NIPBL: variants seen among roughly 807,000 people sequenced by gnomAD.
The protein encoded by NIPBL is nipped-B-like protein.
In NIPBL, 19 loss-of-function variants were observed where a neutral mutation model predicts 321.8. That is an observed-to-expected ratio of 0.06 (90% CI 0.04 to 0.09). The LOEUF (loss-of-function observed/expected upper bound fraction) is 0.09, where lower values mean the gene tolerates loss of function less well. NIPBL is among the 10% of genes least tolerant of loss of function. The pLI is 1.00. For synonymous variants in NIPBL, 1,106 were observed against 1,114.1 expected, an observed-to-expected ratio of 0.99 and a Z score of 0.14; for missense variants, 2,210 against 3,327.0, an observed-to-expected ratio of 0.66 and a Z score of 8.26.
chr5:36,897,612 G>A (rs1008896801), intron 1 of NIPBL, among the ~76,000 whole-genome samples: 1 of 152,054 alleles, frequency 6.6e-6, no homozygotes, highest in South Asian at 2.1e-4. Context: ...GAAGAAAAAC[G>A]ATATCCACTA....
At chr5:37,027,144 TTAAAC>T (rs1209259802) in intron 31 of NIPBL, among the ~76,000 whole-genome samples, 1 of 152,202 alleles carries the variant, frequency 6.6e-6, no homozygotes, top group African/African-American at 2.4e-5. Context: ...CCTCAATACA[TTAAAC>T]TAATTTCTTC....
chr5:36,905,909 A>AT (rs918231568), intron 1 of NIPBL, among the ~76,000 whole-genome samples: 4 of 151,438 alleles, frequency 2.6e-5, no homozygotes, highest in African/African-American at 7.3e-5. Context: ...CACCCAGCTA[A>AT]TTTTTTTTGT....
At chr5:36,964,082 A>G (rs1411898850) in intron 6 of NIPBL, among the ~76,000 whole-genome samples, 1 of 152,148 alleles carries the variant, frequency 6.6e-6, no homozygotes, top group Non-Finnish European at 1.5e-5. Context: ...GTATTGTGTC[A>G]TTTCTTAGAA....
chr5:37,044,196 C>A, intron 34 of NIPBL, 151 bp from the exon 35 acceptor site: 1 of 654,890 alleles, frequency 1.5e-6, no homozygotes, highest in Non-Finnish European at 2.6e-6. Context: ...CTTCTCCTTC[C>A]ATACCTTGAA....
chr5:36,985,723 C>T lies in NIPBL; in HGVS notation c.2543C>T (p.Ser848Phe), dbSNP rs1744705446. The T allele has an allele frequency of 6.2e-7, 1 of 1,613,720 alleles. No homozygotes were observed. Among genetic ancestry groups the T allele is most frequent in the Non-Finnish European group, 8.5e-7 (1 of 1,179,898 alleles). The change falls in exon 10 of 47, where the codon TCC (serine) becomes TTC (phenylalanine). Residue 848 changes from serine (S) to phenylalanine (F), a missense_variant. This residue lies in a region of NIPBL where 588 missense variants were observed against 564.1 expected (regional missense o/e 1.04). Coordinates refer to ENST00000282516, the MANE Select transcript of NIPBL (RefSeq NM_133433.4). ...SRVRRPETLR[S>F]SSRNEHGIKS... ...GTTCGAAGACCAGAAACATTGAGATCCTCTAGTAGAAATGAACATGGCATT... is the reference window on the plus strand; with the variant it reads ...GTTCGAAGACCAGAAACATTGAGATTCTCTAGTAGAAATGAACATGGCATT...
At chr5:36,921,747 T>C (rs1239836480) in intron 1 of NIPBL, among the ~76,000 whole-genome samples, 4 of 152,164 alleles carry the variant, frequency 2.6e-5, no homozygotes, top group Non-Finnish European at 5.9e-5. Context: ...AAACACAGAA[T>C]TGATTGTTGC....
Position 37,060,896 on chromosome 5 carries a change from A to G in NIPBL, c.7738A>G (p.Ile2580Val), listed in dbSNP as rs191164620. The change falls in exon 45 of 47, where the codon ATA becomes GTA. Residue 2580 changes from isoleucine (I) to valine (V), a missense_variant. Transcript: ENST00000282516. ...SESAKVYDKA[I>V]NRKTGVHFHP... ...ATCTGCAAAAGTATATGATAAAGCGATAAACCGAAAAACAGGAGTTCATTT... is the reference window on the plus strand; with the variant it reads ...ATCTGCAAAAGTATATGATAAAGCGGTAAACCGAAAAACAGGAGTTCATTT... The G allele has an allele frequency of 1.7e-5, 28 of 1,614,152 alleles. No individual in the cohort carries two copies. Among genetic ancestry groups the G allele is most frequent in the Non-Finnish European group, 2.4e-5 (28 of 1,180,002 alleles).
At position 37,010,124 on chromosome 5, in the gene NIPBL, A is replaced by G; in HGVS notation, c.4459A>G (p.Ile1487Val). 3 of 1,612,764 alleles carry G rather than the reference A, an allele frequency of 1.9e-6. No individual in the cohort carries two copies. The highest frequency in any genetic ancestry group is 2.5e-6 in the Non-Finnish European group (3 of 1,178,894). Reference sequence around the variant, plus strand: ...TGATATGGATGGAGAACCTATGTATATTCAGATGGTTACAGCACTGGTTTT... The same window carrying G: ...TGATATGGATGGAGAACCTATGTATGTTCAGATGGTTACAGCACTGGTTTT... ...SSDMDGEPMY[I>V]QMVTALVLQL... The change falls in exon 21 of 47, where the codon ATT (isoleucine) becomes GTT (valine). Residue 1487 changes from isoleucine to valine, a missense_variant. By Grantham distance (29) the Ile-to-Val change is conservative. Around this residue, in one of 14 missense-constraint regions of NIPBL, gnomAD observed 381 missense variants for 642.3 expected, o/e 0.59. Transcript: ENST00000282516.
Position 36,984,856 on chromosome 5 carries a change from A to G in NIPBL, c.1676A>G (p.Gln559Arg). 6 of 1,613,902 alleles carry G rather than the reference A, an allele frequency of 3.7e-6. No homozygotes were observed. Among genetic ancestry groups the G allele is most frequent in the South Asian group, 1.1e-5 (1 of 91,076 alleles). ...GTGGACTCTCAGGCTTCTATAACTC[A>G]GGATTCAGACTCCATAAAAAAGCCT... ...GRVDSQASIT[Q>R]DSDSIKKPEE... The change falls in exon 10 of 47, where the codon CAG becomes CGG. Residue 559 changes from glutamine (Q) to arginine (R), a missense_variant. Physicochemically the swap from Gln to Arg is conservative, Grantham distance 43 (BLOSUM62 1). Transcript: ENST00000282516.
At chr5:37,048,746 A>C (rs1753220541) in intron 39 of NIPBL, 71 bp downstream of exon 39, 1 of 1,225,260 alleles carries the variant, frequency 8.2e-7, no homozygotes, top group African/African-American at 1.5e-5. Context: ...CTTTAATCTA[A>C]ATATCTAAAT....
intron 1 of NIPBL, among the ~76,000 whole-genome samples, chr5:36,904,142 T>C (rs189137127): frequency 6.6e-6 from 1 of 152,278 alleles, no homozygotes; most frequent in East Asian, 1.9e-4. Flanking sequence ...TTATTAAATA[T>C]TTAGTGTACT....
intron 1 of NIPBL, among the ~76,000 whole-genome samples, chr5:36,944,685 A>T (rs1487798438): frequency 2.0e-5 from 3 of 152,062 alleles, no homozygotes; most frequent in Non-Finnish European, 4.4e-5. Flanking sequence ...TTTGCTTTCT[A>T]ATATTGTTGA....
At chr5:37,010,486 A>C (rs1222387944) in intron 21 of NIPBL, among the ~76,000 whole-genome samples, 1 of 151,674 alleles carries the variant, frequency 6.6e-6, no homozygotes, top group African/African-American at 2.4e-5. Flanking sequence ...CGGCTAATTT[A>C]TGTATTTTTA....
chr5:36,985,454 A>G lies in NIPBL; in HGVS notation c.2274A>G (p.Pro758=). Residue 758 remains proline (P), a synonymous_variant, in exon 10 of 47, where the codon CCA becomes CCG. Coordinates refer to ENST00000282516, the MANE Select transcript of NIPBL (RefSeq NM_133433.4). ...KQKNEGRPET[P]KHRHDNRRDS... is the part of the protein sequence containing the mutation. ...AAAATGAAGGGCGACCTGAAACACC[A>G]AAACACAGGCATGACAATAGGAGGG... The G allele has an allele frequency of 6.2e-7, 1 of 1,613,794 alleles. No individual in the cohort carries two copies. Among genetic ancestry groups the G allele is most frequent in the African/African-American group, 1.3e-5 (1 of 75,020 alleles).
At chr5:37,016,950 A>G in intron 23 of NIPBL, 69 bp from the exon 24 acceptor site, 1 of 1,079,302 alleles carries the variant, frequency 9.3e-7, no homozygotes, top group Non-Finnish European at 1.3e-6. Flanking sequence ...TTGGGAATTT[A>G]TATGATAAAT....
intron 41 of NIPBL, among the ~76,000 whole-genome samples, 197 bp from the exon 42 acceptor site, chr5:37,052,169 T>C (rs755640580): frequency 6.7e-6 from 1 of 149,606 alleles, no homozygotes; most frequent in Non-Finnish European, 1.5e-5. Flanking sequence ...CTGGGCCTCA[T>C]TTTTTTTTTC....
At chr5:37,048,969 A>ACT in intron 39 of NIPBL, 142 bp from the exon 40 acceptor site, 4 of 817,554 alleles carry the variant, frequency 4.9e-6, no homozygotes, top group Non-Finnish European at 8.2e-6. Context: ...ACACACACAC[A>ACT]CTCACACACA....
chr5:37,021,664 G>C (rs1749656568), intron 27 of NIPBL, among the ~76,000 whole-genome samples: 1 of 152,188 alleles, frequency 6.6e-6, no homozygotes, highest in Non-Finnish European at 1.5e-5. Context: ...CTGGGCGACA[G>C]AGCGAGACTC....
chr5:36,895,314 G>A (rs942668022), intron 1 of NIPBL, among the ~76,000 whole-genome samples: 1 of 152,028 alleles, frequency 6.6e-6, no homozygotes, highest in African/African-American at 2.4e-5. Context: ...TTTCTTTTTA[G>A]GACTGAATAT....
Sources: gnomAD v4.1 joint callset for allele counts (sites outside exome capture counted in the v4.1 genomes callset) on GRCh38, gnomAD v4.1.1 for gene constraint, gnomAD v4.1.1 regional missense constraint, MANE v1.5 for transcripts, NCBI Gene and HGNC (gene_info 2026-07-23, HGNC 2026-07-21) for gene names.